Variants in KIAA1217 observed in about 807,000 individuals in gnomAD.
The protein encoded by KIAA1217 is sickle tail protein homolog.
Under a neutral mutation model 163.9 loss-of-function variants are expected in KIAA1217, and 88 were observed. The observed-to-expected ratio is 0.54, with a 90% CI of 0.45 to 0.64. KIAA1217 has a LOEUF of 0.64. Among genes scored for constraint, KIAA1217 ranks in the 30% least tolerant of loss-of-function variants. The pLI, the probability that KIAA1217 is intolerant of heterozygous loss-of-function variation, is 0.00. For missense variants in KIAA1217, 2,372 were observed against 2,475.0 expected (o/e 0.96, Z 0.88); for synonymous variants, 903 against 923.1 (o/e 0.98, Z 0.39).
At chr10:23,818,062 T>TATATATACACATATATATAC (rs1837424801) in intron 1 of KIAA1217, among the ~76,000 whole-genome samples, 2 of 113,594 alleles carry the variant, frequency 1.8e-5, no homozygotes, top group Non-Finnish European at 3.4e-5. Flanking sequence ...TATATATACA[T>TATATATACACATATATATAC]ATATATATAC....
chr10:24,197,687 G>C (rs2067054572), intron 2 of KIAA1217, among the ~76,000 whole-genome samples: 1 of 152,100 alleles, frequency 6.6e-6, no homozygotes, highest in Non-Finnish European at 1.5e-5. Context: ...AATTCCCTTA[G>C]TTTCAAATCT....
At chr10:24,456,533 G>A (rs1259014798) in intron 5 of KIAA1217, among the ~76,000 whole-genome samples, 1 of 152,084 alleles carries the variant, frequency 6.6e-6, no homozygotes, top group East Asian at 1.9e-4. Context: ...CAGGGGCTCA[G>A]AGTTCAGTGT....
intron 1 of KIAA1217, among the ~76,000 whole-genome samples, chr10:23,855,802 A>T (rs1433279663): frequency 6.6e-6 from 1 of 152,086 alleles, no homozygotes; most frequent in African/African-American, 2.4e-5. Flanking sequence ...AGTTGATCGC[A>T]TCGGCTCCTG....
chr10:24,523,317 G>A (rs1194628756), intron 12 of KIAA1217, among the ~76,000 whole-genome samples: 5 of 152,124 alleles, frequency 3.3e-5, no homozygotes, highest in African/African-American at 1.2e-4. Flanking sequence ...GCGAGGCCCT[G>A]TTTCTTAAAA....
chr10:24,099,600 T>A (rs1018189127), intron 2 of KIAA1217, among the ~76,000 whole-genome samples: 5 of 146,486 alleles, frequency 3.4e-5, no homozygotes, highest in Admixed American at 6.9e-5. Context: ...ATATATATAT[T>A]TTATTATACT....
At chr10:24,179,742 C>T (rs2066079924) in intron 2 of KIAA1217, among the ~76,000 whole-genome samples, 3 of 152,156 alleles carry the variant, frequency 2.0e-5, no homozygotes, top group African/African-American at 4.8e-5. Context: ...GCATGTGCCA[C>T]CACATCCGGC....
intron 1 of KIAA1217, among the ~76,000 whole-genome samples, chr10:23,896,157 A>T (rs919966092): frequency 4.0e-5 from 6 of 151,806 alleles, no homozygotes; most frequent in African/African-American, 1.5e-4. Context: ...ATAGAATAAA[A>T]TTTTTTAAAA....
chr10:24,093,579 C>T (rs568356175), intron 2 of KIAA1217, among the ~76,000 whole-genome samples: 1 of 151,822 alleles, frequency 6.6e-6, no homozygotes, highest in Non-Finnish European at 1.5e-5. Context: ...GCTGGGATTA[C>T]AGGTGTGAGC....
intron 3 of KIAA1217, among the ~76,000 whole-genome samples, chr10:24,411,784 G>A (rs549908054): frequency 6.6e-6 from 1 of 151,546 alleles, no homozygotes; most frequent in South Asian, 2.1e-4. Context: ...TTTCATTCGT[G>A]TCATGGCTCT....
At chr10:23,818,016 TATATATACACACATATATATAC>T (rs1837415876) in intron 1 of KIAA1217, among the ~76,000 whole-genome samples, 6 of 128,184 alleles carry the variant, frequency 4.7e-5, no homozygotes, top group Admixed American at 2.5e-4. Context: ...TATACACACA[TATATATACACACATATATATAC>T]ATATATATAC....
chr10:23,936,516 G>A (rs1843533393), intron 1 of KIAA1217, among the ~76,000 whole-genome samples: 1 of 152,106 alleles, frequency 6.6e-6, no homozygotes, highest in African/African-American at 2.4e-5. Context: ...CTTTATAAAA[G>A]GAAGCAAAGG....
At chr10:24,021,239 A>T (rs1564615703) in intron 2 of KIAA1217, among the ~76,000 whole-genome samples, 1 of 151,996 alleles carries the variant, frequency 6.6e-6, no homozygotes, top group Non-Finnish European at 1.5e-5. Context: ...GGAATTAATA[A>T]GCAACTATAG....
intron 1 of KIAA1217, among the ~76,000 whole-genome samples, chr10:23,848,580 G>A (rs1166273837): frequency 6.6e-6 from 1 of 151,898 alleles, no homozygotes; most frequent in East Asian, 1.9e-4. Context: ...ACACTATCTG[G>A]CCCAAATCAT....
In KIAA1217 at chr10:24,269,232, A is replaced by G. The variant is rs1022933637; in HGVS notation, c.354+49323A>G. ...AATTAAAAAAAAAAAAAAAAAAAAA[A>G]AGGATTGTGGCCTGGCGCAGTGGTT... On this transcript the variant is annotated intron_variant, in intron 2 of 20. Coordinates refer to ENST00000376454, the MANE Select transcript of KIAA1217 (RefSeq NM_019590.5). Among the ~76,000 whole-genome samples, 620 of 150,956 alleles carry G rather than the reference A, an allele frequency of 4.1e-3. 6 individuals carry two copies. The highest frequency in any genetic ancestry group is 0.014 in the African/African-American group (591 of 41,076).
At chr10:23,938,448 T>C (rs2131329233) in intron 1 of KIAA1217, among the ~76,000 whole-genome samples, 1 of 151,908 alleles carries the variant, frequency 6.6e-6, no homozygotes, top group South Asian at 2.1e-4. Flanking sequence ...TCTATGTCTG[T>C]GCATTCTGCA....
At position 24,156,374 on chromosome 10, in the gene KIAA1217, C is replaced by T. The variant is rs114171031; in HGVS notation, c.-170-63252C>T. ...ATCTGTTTATCCATTTAAATGTTGACGTATATTTGGTTTGTTTCCAGTTTG... is the reference window on the plus strand; with the variant it reads ...ATCTGTTTATCCATTTAAATGTTGATGTATATTTGGTTTGTTTCCAGTTTG... On this transcript the variant is annotated intron_variant, in intron 2 of 18. Coordinates refer to the KIAA1217 transcript ENST00000376462. Among the ~76,000 whole-genome samples the T allele has an allele frequency of 5.6e-3, 855 of 152,160 alleles. 8 individuals are homozygous for T. The highest frequency in any genetic ancestry group is 0.019 in the African/African-American group (807 of 41,498).
chr10:24,162,250 A>G (rs1388478335), intron 2 of KIAA1217, among the ~76,000 whole-genome samples: 1 of 152,360 alleles, frequency 6.6e-6, no homozygotes, highest in South Asian at 2.1e-4. Flanking sequence ...AGCATAAGAC[A>G]GCAGCAGGAG....
intron 1 of KIAA1217, among the ~76,000 whole-genome samples, chr10:23,868,153 T>C (rs941169636): frequency 6.6e-6 from 1 of 152,124 alleles, no homozygotes; most frequent in Non-Finnish European, 1.5e-5. Context: ...CATTTCTACA[T>C]GGTTCTTCAT....
At position 24,281,193 on chromosome 10, in the gene KIAA1217, A is replaced by C. The variant is rs566132371; in HGVS notation, c.354+61284A>C. Among the ~76,000 whole-genome samples the C allele has an allele frequency of 1.2e-4, 19 of 152,360 alleles. 1 individual carries two copies. In the South Asian group the frequency reaches 3.9e-3, roughly 32 times the overall value. On this transcript the variant is annotated intron_variant, in intron 2 of 20. Coordinates refer to ENST00000376454, the MANE Select transcript of KIAA1217 (RefSeq NM_019590.5). ...GTCTACTCTAGTATTAGCATCTTAC[A>C]TCAATATGGTACATTTGTTATGATT...
Sources: gnomAD v4.1 joint callset for allele counts (sites outside exome capture counted in the v4.1 genomes callset) on GRCh38, gnomAD v4.1.1 for gene constraint, MANE v1.5 for transcripts, NCBI Gene and HGNC (gene_info 2026-07-23, HGNC 2026-07-21) for gene names.